Variants in EP400 observed in about 807,000 individuals in gnomAD.
EP400 encodes E1A-binding protein p400.
A neutral mutation model predicts 354.1 loss-of-function variants in EP400; 105 were observed. That is an observed-to-expected ratio of 0.30 (90% CI 0.25 to 0.35). The LOEUF (loss-of-function observed/expected upper bound fraction) is 0.35. Among genes scored for constraint, EP400 ranks in the 10% least tolerant of loss-of-function variants. The probability of loss-of-function intolerance (pLI) is 1.00; values close to 1 mark genes in which losing one functional copy is unlikely to be tolerated. For missense variants in EP400, 3,280 were observed against 4,121.0 expected (o/e 0.80, Z 5.59); for synonymous variants, 1,646 against 1,716.9 (o/e 0.96, Z 1.02).
rs768733194 is a variant in EP400 at position 132,050,306 on chromosome 12, C to T, written c.7201-17C>T. The T allele has an allele frequency of 8.7e-6, 14 of 1,613,698 alleles. No homozygotes were observed. Among genetic ancestry groups the T allele is most frequent in the African/African-American group, 1.3e-5 (1 of 74,904 alleles). ...ATGCTGCCTAATTCAGATGCACTCT[C>T]GTCAATTTCATTGCAGAGTAAAAAC... On this transcript the variant is annotated splice_polypyrimidine_tract_variant and intron_variant, in intron 39 of 52. Transcript: ENST00000389561. This position sits in a 1 kb window ranked among gnomAD's most constrained non-coding sequence, Gnocchi z 4.8.
chr12:132,025,694 C>T lies in EP400; in HGVS notation c.4904C>T (p.Ala1635Val), dbSNP rs1266303813. 1.2e-6 allele frequency: 2 copies of T among 1,613,246 alleles called. No homozygotes were observed. The highest frequency in any genetic ancestry group is 1.7e-6 in the Non-Finnish European group (2 of 1,179,798). ...GCCCCCGGGCAGCCCTACCTTCGAG[C>T]CCCTGGCCCTGTGGTGATGCAGACC... ...VSAPGQPYLRAPGPVVMQTVS... is the reference protein window; with the variant it reads ...VSAPGQPYLRVPGPVVMQTVS... Residue 1635 changes from alanine to valine, a missense_variant, in exon 25 of 53, where the codon GCC becomes GTC. Around this residue, in one of 20 missense-constraint regions of EP400, gnomAD observed 459 missense variants for 496.9 expected, o/e 0.92. Transcript: ENST00000389561. The surrounding 1 kb of genome is among the most constrained non-coding windows in gnomAD (Gnocchi z 4.1).
At chr12:132,034,351 CTT>C (rs1477068378) in intron 30 of EP400, among the ~76,000 whole-genome samples, 1 of 152,218 alleles carries the variant, frequency 6.6e-6, no homozygotes, top group Admixed American at 6.5e-5. Flanking sequence ...TGAAGACACA[CTT>C]TGTTCTCGAG....
At chr12:132,016,186 C>G (rs769641071) in intron 19 of EP400, among the ~76,000 whole-genome samples, 2 of 152,190 alleles carry the variant, frequency 1.3e-5, no homozygotes, top group Non-Finnish European at 2.9e-5. Context: ...TCTTTTCCTT[C>G]CCACCGCTGC....
In EP400 at chr12:132,053,676, G is replaced by A; in HGVS notation, c.7728+79G>A. The A allele has an allele frequency of 2.1e-6, 3 of 1,398,540 alleles. No individual in the cohort carries two copies. The East Asian group carries it at 7.9e-5, about 37-fold the overall frequency. 86.6% of individuals were successfully genotyped at this position (1,398,540 alleles called of 1,614,324 possible). A position where few individuals can be genotyped will look rare whatever the true frequency, so the allele number is the denominator to read the frequency against. On this transcript the variant is annotated intron_variant, in intron 43 of 52. Transcript: ENST00000389561. ...GCACTTGATTCAAGTGCTTTCTGTT[G>A]AAACGAAGACTTGTTGCCAGTTCTA...
At position 132,045,989 on chromosome 12, in the gene EP400, C is replaced by G. The variant is rs552326482; in HGVS notation, c.7200+89C>G. 26 of 1,458,474 alleles carry G rather than the reference C, an allele frequency of 1.8e-5. No homozygotes were observed. The Admixed American group carries it at 4.8e-4, about 27-fold the overall frequency. The allele number at this position is 1,458,474 out of a possible 1,614,324, so 90.3% of individuals were successfully genotyped here. ...GTTTCAGCTCCAGTCCTGCTCTTCA[C>G]TGACTGGGCTCCTTCATCCCTGTGG... is the stretch of plus-strand genomic sequence containing the variant. On this transcript the variant is annotated intron_variant, in intron 39 of 52. Transcript: ENST00000389561.
rs529907984 is a variant in EP400, at chr12:131,986,416, T to G, written c.1930-98T>G. The G allele has an allele frequency of 1.7e-4, 208 of 1,224,594 alleles. 1 individual carries two copies. In the South Asian group the frequency reaches 2.9e-3, roughly 17 times the overall value. The allele number at this position is 1,224,594 out of a possible 1,614,324, so 75.9% of individuals were successfully genotyped here. A position where few individuals can be genotyped will look rare whatever the true frequency, so the allele number is the denominator to read the frequency against. Reference sequence around the variant, plus strand: ...ATCGTGGAGCGGAAGGTGCTGGCAGTGCGCGTCTCTGGTGCTGTGGGCGCT... The same window carrying G: ...ATCGTGGAGCGGAAGGTGCTGGCAGGGCGCGTCTCTGGTGCTGTGGGCGCT... On this transcript the variant is annotated intron_variant, in intron 5 of 52. Transcript: ENST00000389561.
intron 12 of EP400, among the ~76,000 whole-genome samples, chr12:132,002,387 C>A (rs1478381025): frequency 6.6e-6 from 1 of 151,998 alleles, no homozygotes; most frequent in East Asian, 1.9e-4. Context: ...TTTCTGTATT[C>A]TTGTTGTAGG....
intron 32 of EP400, 133 bp from the exon 33 acceptor site, chr12:132,043,171 A>T: frequency 1.1e-6 from 1 of 903,416 alleles, no homozygotes; most frequent in Middle Eastern, 3.3e-4. Context: ...TCAGGGAAGG[A>T]GTGGATTACC....
At position 131,968,883 on chromosome 12, in the gene EP400, G is replaced by T. The variant is rs114397663; in HGVS notation, c.1335+6929G>T. Among the ~76,000 whole-genome samples the T allele has an allele frequency of 1.3e-3, 192 of 152,196 alleles. 1 individual carries two copies. The highest frequency in any genetic ancestry group is 4.4e-3 in the African/African-American group (181 of 41,556). On this transcript the variant is annotated intron_variant, in intron 2 of 52. Coordinates refer to ENST00000389561, the MANE Select transcript of EP400 (RefSeq NM_015409.5). ...ATTGTAAGTATATAGGTATACAGTT[G>T]ATTATTTGAACCTACATTCTGCAAC...
chr12:131,997,768 T>G (rs1211157612), intron 12 of EP400, among the ~76,000 whole-genome samples: 2 of 152,120 alleles, frequency 1.3e-5, no homozygotes, highest in Non-Finnish European at 2.9e-5. Flanking sequence ...AAGGGGTTGG[T>G]CCTGCTGTGG....
intron 2 of EP400, among the ~76,000 whole-genome samples, chr12:131,962,392 G>A (rs935161188): frequency 5.9e-5 from 9 of 152,178 alleles, no homozygotes; most frequent in East Asian, 1.9e-4. Context: ...CATTTTACTC[G>A]TATAGATCTC....
chr12:132,050,231 G>T lies in EP400; in HGVS notation c.7201-92G>T. On this transcript the variant is annotated intron_variant, in intron 39 of 52. Transcript: ENST00000389561. This position sits in a 1 kb window ranked among gnomAD's most constrained non-coding sequence, Gnocchi z 4.8. ...TTTGTGTTCAGCCATGGGGAGTTTAGCCTCAGATTCCCACCCAGTGAGCCC... is the reference window on the plus strand; with the variant it reads ...TTTGTGTTCAGCCATGGGGAGTTTATCCTCAGATTCCCACCCAGTGAGCCC... The T allele has an allele frequency of 6.7e-7, 1 of 1,483,360 alleles. No individual in the cohort carries two copies. Among genetic ancestry groups the T allele is most frequent in the South Asian group, 1.3e-5 (1 of 78,804 alleles). The allele number at this position is 1,483,360 out of a possible 1,614,324, so 91.9% of individuals were successfully genotyped here.
intron 32 of EP400, among the ~76,000 whole-genome samples, chr12:132,039,227 G>T (rs1894814051): frequency 6.6e-6 from 1 of 152,200 alleles, no homozygotes; most frequent in African/African-American, 2.4e-5. Flanking sequence ...TAGTCTGTCT[G>T]TGTTGCTGTA....
intron 30 of EP400, among the ~76,000 whole-genome samples, chr12:132,032,501 C>T (rs1442238276): frequency 6.6e-6 from 1 of 152,024 alleles, no homozygotes; most frequent in African/African-American, 2.4e-5. Context: ...CAGAGTATCT[C>T]AGTCTTAAAA....
chr12:132,060,843 G>A (rs986510527), intron 45 of EP400, among the ~76,000 whole-genome samples: 7 of 150,920 alleles, frequency 4.6e-5, no homozygotes, highest in Non-Finnish European at 7.4e-5. Context: ...GAACCTGGGA[G>A]GCAGAGGTTG....
At chr12:132,037,922 A>G (rs1471725725) in intron 31 of EP400, 31 bp from the exon 32 acceptor site, 2 of 1,613,926 alleles carry the variant, frequency 1.2e-6, no homozygotes, top group Non-Finnish European at 1.7e-6. Context: ...TGGACCTTGT[A>G]CTGGGGAGTA....
At chr12:132,063,743 C>T (rs539183042) in intron 47 of EP400, among the ~76,000 whole-genome samples, 57 of 152,162 alleles carry the variant, frequency 3.7e-4, no homozygotes, top group African/African-American at 1.1e-3. Flanking sequence ...GGAGGGCTGT[C>T]GGTGGAATTT....
At chr12:131,998,194 A>G (rs183516082) in intron 12 of EP400, among the ~76,000 whole-genome samples, 166 of 152,274 alleles carry the variant, frequency 1.1e-3, no homozygotes, top group Admixed American at 2.9e-3. Flanking sequence ...TAGCTTTATA[A>G]TAGTTCTTGA....
chr12:132,050,464 G>A lies in EP400; in HGVS notation c.7337+5G>A, dbSNP rs1223923239. ...GAGTCCCCCAATCAAACCTCTGTATGTTTCCTGAGTGCTCATTTTATGTTC... is the reference window on the plus strand; with the variant it reads ...GAGTCCCCCAATCAAACCTCTGTATATTTCCTGAGTGCTCATTTTATGTTC... On this transcript the variant is annotated splice_donor_5th_base_variant and intron_variant, in intron 40 of 52. Coordinates refer to ENST00000389561, the MANE Select transcript of EP400 (RefSeq NM_015409.5). This position sits in a 1 kb window ranked among gnomAD's most constrained non-coding sequence, Gnocchi z 4.8. 6.2e-7 allele frequency: 1 copy of A among 1,613,990 alleles called. No homozygotes were observed. The highest frequency in any genetic ancestry group is 1.3e-5 in the African/African-American group (1 of 74,910).
Sources: allele counts gnomAD v4.1 joint callset (sites outside exome capture counted in the v4.1 genomes callset), GRCh38; gene constraint gnomAD v4.1.1; regional missense constraint gnomAD v4.1.1; non-coding constraint Gnocchi (gnomAD v3.1); transcripts MANE v1.5; gene names NCBI Gene and HGNC (gene_info 2026-07-23, HGNC 2026-07-21).